LCA5: variants seen among roughly 807,000 people sequenced by gnomAD.
LCA5 encodes the protein lebercilin LCA5.
Under a neutral mutation model 53.0 loss-of-function variants are expected in LCA5, and 37 were observed. The observed-to-expected ratio is 0.70, with a 90% CI of 0.54 to 0.92. The LOEUF (loss-of-function observed/expected upper bound fraction) is 0.92, where lower values mean the gene tolerates loss of function less well. Ranked by LOEUF, LCA5 falls within the 40% of genes least tolerant of loss-of-function variation. The pLI, the probability that LCA5 is intolerant of heterozygous loss-of-function variation, is 0.00. For synonymous variants in LCA5, 303 were observed against 282.9 expected, an observed-to-expected ratio of 1.07 and a Z score of -0.71; for missense variants, 806 against 790.5, an observed-to-expected ratio of 1.02 and a Z score of -0.23.
intron 1 of LCA5, among the ~76,000 whole-genome samples, chr6:79,525,640 C>A (rs547189470): frequency 2.6e-5 from 4 of 152,194 alleles, no homozygotes; most frequent in African/African-American, 9.7e-5. Flanking sequence ...CAAAGGCATT[C>A]GAAATTCAAC....
chr6:79,518,833 T>A lies in LCA5; in HGVS notation c.62A>T (p.Tyr21Phe). 1 of 1,614,178 alleles carries A rather than the reference T, an allele frequency of 6.2e-7. No individual in the cohort carries two copies. The highest frequency in any genetic ancestry group is 8.5e-7 in the Non-Finnish European group (1 of 1,180,012). ...DQERKAGKHH[Y>F]SYLSDFETPQ... Reference sequence around the variant, plus strand: ...CGTTTCAAAATCAGATAAGTAAGAATAATGGTGTTTGCCTGCCTTTCTTTC... The same window carrying A: ...CGTTTCAAAATCAGATAAGTAAGAAAAATGGTGTTTGCCTGCCTTTCTTTC... Residue 21 changes from tyrosine to phenylalanine, a missense_variant, in exon 2 of 8, where the codon TAT becomes TTT. Coordinates refer to ENST00000369846, the MANE Select transcript of LCA5 (RefSeq NM_001122769.3).
chr6:79,508,629 G>GAA (rs200329614), intron 3 of LCA5, among the ~76,000 whole-genome samples: 1 of 140,340 alleles, frequency 7.1e-6, no homozygotes, highest in Non-Finnish European at 1.6e-5. Context: ...TACAGCAAAA[G>GAA]AAAAAAAAAA....
chr6:79,492,082 TA>T (rs1268815680), intron 5 of LCA5, among the ~76,000 whole-genome samples: 1 of 151,886 alleles, frequency 6.6e-6, no homozygotes, highest in Non-Finnish European at 1.5e-5. Flanking sequence ...ATACTTTTGT[TA>T]AAAAAGAAAG....
At chr6:79,523,584 T>C (rs565446929) in intron 1 of LCA5, among the ~76,000 whole-genome samples, 31 of 152,346 alleles carry the variant, frequency 2.0e-4, no homozygotes, top group African/African-American at 7.0e-4. Flanking sequence ...GCTCAGTAAA[T>C]TATAACTGAT....
Position 79,491,810 on chromosome 6 carries a change from A to G in LCA5, c.956-80T>C. The G allele has an allele frequency of 2.5e-6, 3 of 1,212,618 alleles. No individual in the cohort carries two copies. The South Asian group carries it at 3.7e-5, about 15-fold the overall frequency. 75.1% of individuals were successfully genotyped at this position (1,212,618 alleles called of 1,614,324 possible). A position where few individuals can be genotyped will look rare whatever the true frequency, so the allele number is the denominator to read the frequency against. On this transcript the variant is annotated intron_variant, in intron 5 of 7. Coordinates refer to ENST00000369846, the MANE Select transcript of LCA5 (RefSeq NM_001122769.3). The stretch of plus-strand genomic sequence containing the variant: ...TGGAATTCAGCTGGCATGTATATAT[A>G]TATATGCATGTGTGTTTGCATATAC...
intron 1 of LCA5, among the ~76,000 whole-genome samples, chr6:79,536,186 AT>A (rs1368407506): frequency 6.6e-6 from 1 of 152,240 alleles, no homozygotes; most frequent in Non-Finnish European, 1.5e-5. Context: ...AAATGGTAAT[AT>A]AGAATTTAAA....
At chr6:79,526,244 T>C (rs1766783568) in intron 1 of LCA5, among the ~76,000 whole-genome samples, 1 of 152,112 alleles carries the variant, frequency 6.6e-6, no homozygotes, top group Non-Finnish European at 1.5e-5. Context: ...GTCAAAATAA[T>C]ATTAAAACAA....
chr6:79,516,333 A>C (rs1462276966), intron 2 of LCA5, among the ~76,000 whole-genome samples: 1 of 151,978 alleles, frequency 6.6e-6, no homozygotes, highest in Non-Finnish European at 1.5e-5. Flanking sequence ...CAGCTCTTGG[A>C]ATGACAGAAA....
chr6:79,490,968 C>A (rs1769821337), intron 6 of LCA5, among the ~76,000 whole-genome samples: 1 of 151,624 alleles, frequency 6.6e-6, no homozygotes, highest in African/African-American at 2.4e-5. Context: ...CTAATTTGAA[C>A]AGGATAAGGT....
Position 79,485,666 on chromosome 6 carries a change from C to T in LCA5, c.*1338G>A, listed in dbSNP as rs1769630269. 6.6e-6 allele frequency: 1 copy of T among 152,114 alleles called. No individual in the cohort carries two copies. The highest frequency in any genetic ancestry group is 6.5e-5 in the Admixed American group (1 of 15,270). The allele number at this position is 152,114 out of a possible 1,614,324, so 9.4% of individuals were successfully genotyped here. On this transcript the variant is annotated 3_prime_UTR_variant, in exon 8 of 8. Transcript: ENST00000369846. ...CAGAATAACACAGTAACTCCTTCCC[C>T]TCATCAGTATATATGACTGGCGTCA... is the stretch of plus-strand genomic sequence containing the variant.
chr6:79,521,657 A>T (rs1397204469), intron 1 of LCA5, among the ~76,000 whole-genome samples: 4 of 152,052 alleles, frequency 2.6e-5, no homozygotes, highest in Non-Finnish European at 5.9e-5. Context: ...TTATTTATTT[A>T]AAAAAAACTT....
intron 3 of LCA5, among the ~76,000 whole-genome samples, chr6:79,508,829 A>T (rs1770335973): frequency 6.6e-6 from 1 of 152,182 alleles, no homozygotes; most frequent in Non-Finnish European, 1.5e-5. Context: ...TGGTTTGACT[A>T]TAACTGAGTT....
At chr6:79,498,385 C>T (rs1770040932) in intron 3 of LCA5, among the ~76,000 whole-genome samples, 1 of 151,866 alleles carries the variant, frequency 6.6e-6, no homozygotes, top group South Asian at 2.1e-4. Context: ...AAAATCCTAT[C>T]CCCCCCTAGA....
At position 79,488,990 on chromosome 6, in the gene LCA5, TC is replaced by T. The variant is rs1283903856; in HGVS notation, c.1231+93del. On this transcript the variant is annotated intron_variant, in intron 7 of 7. Coordinates refer to ENST00000369846, the MANE Select transcript of LCA5 (RefSeq NM_001122769.3). Reference sequence around the variant, plus strand: ...CCTTTCTTTGTTCTACCTAAGCAATTCACAGTTAAGCTGGAAGATATTAGAA... The same window carrying T: ...CCTTTCTTTGTTCTACCTAAGCAATTACAGTTAAGCTGGAAGATATTAGAA... The T allele has an allele frequency of 2.1e-6, 3 of 1,420,398 alleles. No individual in the cohort carries two copies. In the African/African-American group the frequency reaches 4.2e-5, roughly 20 times the overall value. The allele number at this position is 1,420,398 out of a possible 1,614,324, so 88.0% of individuals were successfully genotyped here. A position where few individuals can be genotyped will look rare whatever the true frequency, so the allele number is the denominator to read the frequency against.
intron 2 of LCA5, among the ~76,000 whole-genome samples, chr6:79,514,052 T>C (rs1766353093): frequency 6.6e-6 from 1 of 152,134 alleles, no homozygotes; most frequent in Non-Finnish European, 1.5e-5. Context: ...AAGTCAGAAT[T>C]CAAACATGAG....
intron 3 of LCA5, among the ~76,000 whole-genome samples, chr6:79,511,878 C>T (rs1290272127): frequency 6.6e-6 from 1 of 152,134 alleles, no homozygotes; most frequent in Non-Finnish European, 1.5e-5. Context: ...AACTCAGAAT[C>T]CACAGGCTTC....
intron 3 of LCA5, among the ~76,000 whole-genome samples, chr6:79,506,467 T>G (rs1770274354): frequency 6.6e-6 from 1 of 152,172 alleles, no homozygotes; most frequent in Admixed American, 6.6e-5. Context: ...TGATCTGCTA[T>G]TGCATCCCTG....
At chr6:79,517,462 T>C (rs1482154445) in intron 2 of LCA5, among the ~76,000 whole-genome samples, 1 of 152,110 alleles carries the variant, frequency 6.6e-6, no homozygotes, top group Non-Finnish European at 1.5e-5. Flanking sequence ...CCTTAAGATC[T>C]GTTTTGTTAG....
rs547237643 is a variant in LCA5, at chr6:79,487,444, C to A, written c.1654G>T (p.Ala552Ser). The A allele has an allele frequency of 1.2e-6, 2 of 1,613,814 alleles. No individual in the cohort carries two copies. Among genetic ancestry groups the A allele is most frequent in the Non-Finnish European group, 1.7e-6 (2 of 1,179,856 alleles). The change falls in exon 8 of 8, where the codon GCA becomes TCA. Residue 552 changes from alanine to serine, a missense_variant. Physicochemically the swap from Ala to Ser is moderately conservative, Grantham distance 99. Coordinates refer to ENST00000369846, the MANE Select transcript of LCA5 (RefSeq NM_001122769.3). ...AACGAAGGCACGTAGCTACCAAATG[C>A]GAACTCATTAGGGGAGGCTGGACTT... ...VRSPASPNEF[A>S]FGSYVPSFAK...
Sources: gnomAD v4.1 joint callset for allele counts (sites outside exome capture counted in the v4.1 genomes callset) on GRCh38, gnomAD v4.1.1 for gene constraint, MANE v1.5 for transcripts, NCBI Gene and HGNC (gene_info 2026-07-23, HGNC 2026-07-21) for gene names.